Variants in LASP1 observed in about 807,000 individuals in gnomAD.
The protein encoded by LASP1 is LIM and SH3 protein 1, also known as LIM and SH3 domain protein 1.
Under a neutral mutation model 38.6 loss-of-function variants are expected in LASP1, and 10 were observed. The observed-to-expected ratio is 0.26, with a 90% CI of 0.16 to 0.44. The LOEUF (loss-of-function observed/expected upper bound fraction) is 0.44, where lower values mean the gene tolerates loss of function less well. Ranked by LOEUF, LASP1 falls within the 20% of genes least tolerant of loss-of-function variation. The pLI, the probability that LASP1 is intolerant of heterozygous loss-of-function variation, is 1.00. For missense variants in LASP1, 243 were observed against 375.7 expected (o/e 0.65, Z 2.92); for synonymous variants, 132 against 140.8 (o/e 0.94, Z 0.44).
At chr17:38,894,511 C>G (rs1914432288) in intron 3 of LASP1, among the ~76,000 whole-genome samples, 1 of 152,158 alleles carries the variant, frequency 6.6e-6, no homozygotes, top group South Asian at 2.1e-4. Context: ...TGGATTACCT[C>G]TCTCCAGAGG....
chr17:38,898,309 C>T (rs1458382499), intron 3 of LASP1, 103 bp from the exon 4 acceptor site: 2 of 661,312 alleles, frequency 3.0e-6, no homozygotes, highest in Non-Finnish European at 5.2e-6. Context: ...TCTGCTGACT[C>T]CCTGTCCCTG....
intron 2 of LASP1, among the ~76,000 whole-genome samples, chr17:38,882,950 A>G (rs1427005697): frequency 6.6e-6 from 1 of 152,110 alleles, no homozygotes; most frequent in East Asian, 1.9e-4. Flanking sequence ...TGAGGAGGGT[A>G]AAGATGTCCC....
chr17:38,891,701 C>G (rs913391021), intron 3 of LASP1, among the ~76,000 whole-genome samples: 7 of 152,338 alleles, frequency 4.6e-5, no homozygotes, highest in Middle Eastern at 3.4e-3. Context: ...ACACTGGCAG[C>G]TTTGAATGTA....
intron 1 of LASP1, among the ~76,000 whole-genome samples, chr17:38,875,836 G>A (rs1913753264): frequency 6.6e-6 from 1 of 152,186 alleles, no homozygotes; most frequent in African/African-American, 2.4e-5. Context: ...TCGCCTTGGG[G>A]GAATTCCTTG....
intron 3 of LASP1, among the ~76,000 whole-genome samples, chr17:38,895,948 A>G (rs1022019667): frequency 4.1e-4 from 62 of 152,172 alleles, no homozygotes; most frequent in African/African-American, 1.3e-3. Flanking sequence ...CTGGGAGCCC[A>G]GGCATCTCCC....
chr17:38,898,812 G>A lies in LASP1; in HGVS notation c.357+293G>A, dbSNP rs557304586. 10 of 497,502 alleles carry A rather than the reference G, an allele frequency of 2.0e-5. 1 individual carries two copies. The highest frequency in any genetic ancestry group is 1.2e-4 in the African/African-American group (6 of 51,772). 30.8% of individuals were successfully genotyped at this position (497,502 alleles called of 1,614,324 possible). On this transcript the variant is annotated intron_variant, in intron 4 of 6. Coordinates refer to ENST00000318008, the MANE Select transcript of LASP1 (RefSeq NM_006148.4). ...ACTGTTGTTCTTTTTTCTGGATATCGTGGGTATCGGTGAAGACTGCATGTC... is the reference window on the plus strand; with the variant it reads ...ACTGTTGTTCTTTTTTCTGGATATCATGGGTATCGGTGAAGACTGCATGTC...
chr17:38,881,987 A>C (rs1317164879), intron 2 of LASP1, among the ~76,000 whole-genome samples: 2 of 152,214 alleles, frequency 1.3e-5, no homozygotes, highest in Non-Finnish European at 2.9e-5. Flanking sequence ...CAGGGGAGAG[A>C]ACATAGGCCA....
At chr17:38,883,739 C>CTTTTTTT (rs60761350) in intron 2 of LASP1, among the ~76,000 whole-genome samples, 1 of 128,348 alleles carries the variant, frequency 7.8e-6, no homozygotes, top group Admixed American at 8.2e-5. Context: ...CAGGGGCAGG[C>CTTTTTTT]TTTTTTTTTT....
At chr17:38,872,534 C>T (rs1913640632) in intron 1 of LASP1, among the ~76,000 whole-genome samples, 1 of 152,180 alleles carries the variant, frequency 6.6e-6, no homozygotes, top group Admixed American at 6.5e-5. Context: ...AGGTATCAGA[C>T]CTATTCCTCT....
chr17:38,891,418 G>A (rs959977817), intron 3 of LASP1, among the ~76,000 whole-genome samples: 2 of 152,026 alleles, frequency 1.3e-5, no homozygotes, highest in South Asian at 2.1e-4. Context: ...AGGGAGAACC[G>A]ACCCTGCCTT....
In LASP1 at chr17:38,918,532, G is replaced by T; in HGVS notation, c.613-73G>T. Reference sequence around the variant, plus strand: ...CCAGGCTCTGCTCCAGGGTCGTGGAGAGTTAGAAAAAAATGCTCAGACCCA... The same window carrying T: ...CCAGGCTCTGCTCCAGGGTCGTGGATAGTTAGAAAAAAATGCTCAGACCCA... On this transcript the variant is annotated intron_variant, in intron 6 of 6. Transcript: ENST00000318008. This position sits in a 1 kb window ranked among gnomAD's most constrained non-coding sequence, Gnocchi z 4.4. 1 of 1,460,700 alleles carries T rather than the reference G, an allele frequency of 6.8e-7. No individual in the cohort carries two copies. 90.5% of individuals were successfully genotyped at this position (1,460,700 alleles called of 1,614,324 possible).
At chr17:38,899,232 C>T in intron 4 of LASP1, 1 of 178,404 alleles carries the variant, frequency 5.6e-6, no homozygotes. Flanking sequence ...CGGTGAGCAG[C>T]AACCATGGGG....
intron 4 of LASP1, chr17:38,898,937 G>T: frequency 2.8e-6 from 1 of 361,834 alleles, no homozygotes; most frequent in Non-Finnish European, 5.5e-6. Context: ...GCCCTTCCTT[G>T]GCCTCCTCCC....
At chr17:38,917,397 TC>T (rs1380259053) in intron 6 of LASP1, among the ~76,000 whole-genome samples, 1 of 152,140 alleles carries the variant, frequency 6.6e-6, no homozygotes, top group Non-Finnish European at 1.5e-5. Flanking sequence ...GATTTATTTT[TC>T]TTTTTTTTTT....
At chr17:38,898,824 G>A (rs17590541) in intron 4 of LASP1, 98,270 of 482,756 alleles carry the variant, frequency 0.2, 10,622 homozygotes, top group Non-Finnish European at 0.23. Context: ...GGGTATCGGT[G>A]AAGACTGCAT....
At chr17:38,883,739 CTTTTT>C (rs60761350) in intron 2 of LASP1, among the ~76,000 whole-genome samples, 12 of 128,344 alleles carry the variant, frequency 9.3e-5, no homozygotes, top group East Asian at 2.2e-4. Context: ...CAGGGGCAGG[CTTTTT>C]TTTTTTTTTT....
At chr17:38,886,133 T>C (rs558163953) in intron 2 of LASP1, among the ~76,000 whole-genome samples, 8 of 151,078 alleles carry the variant, frequency 5.3e-5, no homozygotes, top group Admixed American at 1.3e-4. Context: ...ACTCTCACTC[T>C]CTCTCTCTCT....
At chr17:38,884,937 C>T (rs931644050) in intron 2 of LASP1, among the ~76,000 whole-genome samples, 4 of 152,268 alleles carry the variant, frequency 2.6e-5, no homozygotes, top group African/African-American at 4.8e-5. Flanking sequence ...ATGATCCGCC[C>T]GCTTCGGCCT....
At chr17:38,879,484 CT>C (rs557810033) in intron 2 of LASP1, among the ~76,000 whole-genome samples, 234 of 143,264 alleles carry the variant, frequency 1.6e-3, no homozygotes, top group Non-Finnish European at 1.8e-3. Context: ...TTAATTTTAA[CT>C]TTTTTTTTTT....
Sources: gnomAD v4.1 joint callset for allele counts (sites outside exome capture counted in the v4.1 genomes callset) on GRCh38, gnomAD v4.1.1 for gene constraint, Gnocchi (gnomAD v3.1) non-coding constraint, MANE v1.5 for transcripts, NCBI Gene and HGNC (gene_info 2026-07-23, HGNC 2026-07-21) for gene names.